Variants in ZNF705G observed in about 807,000 individuals in gnomAD.
The protein encoded by ZNF705G is putative zinc finger protein 705G.
Under a neutral mutation model 19.6 loss-of-function variants are expected in ZNF705G, and 23 were observed. The ratio of observed to expected loss-of-function variants is 1.17; its 90% CI spans 0.84 to 1.66. ZNF705G has a LOEUF of 1.66. ZNF705G is among the 40% of genes most tolerant of loss of function. The probability of loss-of-function intolerance (pLI) is 0.00; values close to 1 mark genes in which losing one functional copy is unlikely to be tolerated. For synonymous variants in ZNF705G, 146 were observed against 117.7 expected, an observed-to-expected ratio of 1.24 and a Z score of -1.56; for missense variants, 457 against 354.4, an observed-to-expected ratio of 1.29 and a Z score of -2.32.
At chr8:7,385,389 T>C (rs2128850644) in intron 1 of ZNF705G, 109 bp downstream of exon 1, 1 of 148,864 alleles carries the variant, frequency 6.7e-6, no homozygotes, top group Admixed American at 6.6e-5. Context: ...AAGTGGAGGC[T>C]GAAATCTGTT....
rs1171078411 is a variant in ZNF705G at position 7,375,659 on chromosome 8, C to G, written c.-72+5793G>C. ...AAAATAGTACACATGATTCAAAGAC[C>G]TCTGAACCGAGAGTAACAACAAATT... is the stretch of plus-strand genomic sequence containing the variant. On this transcript the variant is annotated intron_variant, in intron 2 of 6. Coordinates refer to ENST00000400156, the MANE Select transcript of ZNF705G (RefSeq NM_001164457.3). Among the ~76,000 whole-genome samples the G allele has an allele frequency of 8.5e-5, 8 of 93,990 alleles. 3 individuals are homozygous for G. The South Asian group carries it at 1.8e-3, about 21-fold the overall frequency. 61.7% of individuals were successfully genotyped at this position (93,990 alleles called of 152,430 possible). A position where few individuals can be genotyped will look rare whatever the true frequency, so the allele number is the denominator to read the frequency against.
intron 5 of ZNF705G, among the ~76,000 whole-genome samples, 169 bp downstream of exon 5, chr8:7,360,068 C>T (rs1393008352): frequency 3.3e-5 from 5 of 149,464 alleles, no homozygotes; most frequent in Non-Finnish European, 4.4e-5. Context: ...AGAGTAGCAT[C>T]TGACACATGA....
At chr8:7,364,116 C>T (rs1585414035) in intron 2 of ZNF705G, among the ~76,000 whole-genome samples, 1 of 149,400 alleles carries the variant, frequency 6.7e-6, no homozygotes, top group African/African-American at 2.6e-5. Flanking sequence ...TTGTTAGTTG[C>T]AATATCTCTG....
chr8:7,359,391 T>G (rs1454913183), intron 6 of ZNF705G, among the ~76,000 whole-genome samples: 1 of 149,848 alleles, frequency 6.7e-6, no homozygotes, highest in Non-Finnish European at 1.5e-5. Flanking sequence ...TTTCGATGAC[T>G]GGGCATGAGC....
intron 1 of ZNF705G, among the ~76,000 whole-genome samples, chr8:7,384,591 C>T (rs1320907184): frequency 2.7e-5 from 4 of 145,764 alleles, no homozygotes; most frequent in Admixed American, 2.0e-4. Context: ...CCTGGAATGT[C>T]TCAAAAAAAT....
chr8:7,363,549 G>A (rs1806703852), intron 2 of ZNF705G, among the ~76,000 whole-genome samples: 1 of 149,800 alleles, frequency 6.7e-6, no homozygotes, highest in Non-Finnish European at 1.5e-5. Flanking sequence ...GGTGGAGTGT[G>A]GTGGCTCACG....
At chr8:7,380,985 C>T (rs1333635765) in intron 2 of ZNF705G, among the ~76,000 whole-genome samples, 1 of 98,242 alleles carries the variant, frequency 1.0e-5, no homozygotes, top group Non-Finnish European at 1.7e-5. Flanking sequence ...CACTGCACTG[C>T]AGCCTGGCCT....
In ZNF705G at chr8:7,361,533, T is replaced by A. The variant is rs1806596060; in HGVS notation, c.13-297A>T. On this transcript the variant is annotated intron_variant, in intron 3 of 6. Coordinates refer to ENST00000400156, the MANE Select transcript of ZNF705G (RefSeq NM_001164457.3). ...CACCTCTACATAACTGATTATAAAA[T>A]TTTCACTTGAACATTCATAAATAAA... Among the ~76,000 whole-genome samples, 2 of 149,724 alleles carry A rather than the reference T, an allele frequency of 1.3e-5. 1 individual carries two copies. Among genetic ancestry groups the A allele is most frequent in the African/African-American group, 5.1e-5 (2 of 39,106 alleles).
intron 1 of ZNF705G, among the ~76,000 whole-genome samples, chr8:7,382,169 A>G (rs1306062704): frequency 1.3e-5 from 2 of 150,744 alleles, no homozygotes; most frequent in Non-Finnish European, 2.9e-5. Flanking sequence ...AAAGTAAATC[A>G]CTGCAAAATT....
At position 7,355,887 on chromosome 8, in the gene ZNF705G, C is replaced by T. The variant is rs1364676022; in HGVS notation, c.*2089G>A. The stretch of plus-strand genomic sequence containing the variant: ...GCTTGAATTTCTTGCTCATTATCCT[C>T]ACACTTGACATAAACCCTGGCTGCA... On this transcript the variant is annotated 3_prime_UTR_variant, in exon 7 of 7. Transcript: ENST00000400156. 1.3e-5 allele frequency: 2 copies of T among 149,660 alleles called. No homozygotes were observed. Among genetic ancestry groups the T allele is most frequent in the Non-Finnish European group, 2.9e-5 (2 of 68,032 alleles). 9.3% of individuals were successfully genotyped at this position (149,660 alleles called of 1,614,324 possible). A position where few individuals can be genotyped will look rare whatever the true frequency, so the allele number is the denominator to read the frequency against.
chr8:7,375,261 T>A lies in ZNF705G; in HGVS notation c.-72+6191A>T, dbSNP rs571224232. ...GCACTCATTGCTCGGCTCCCCCTTATAACTGAGAATATGTGGTATTTGTCT... is the reference window on the plus strand; with the variant it reads ...GCACTCATTGCTCGGCTCCCCCTTAAAACTGAGAATATGTGGTATTTGTCT... On this transcript the variant is annotated intron_variant, in intron 2 of 6. Transcript: ENST00000400156. 1.1e-3 allele frequency among the ~76,000 whole-genome samples: 103 copies of A among 92,082 alleles called. 35 individuals are homozygous for A. The highest frequency in any genetic ancestry group is 5.2e-3 in the African/African-American group (102 of 19,770). The allele number at this position is 92,082 out of a possible 152,430, so 60.4% of individuals were successfully genotyped here. A position where few individuals can be genotyped will look rare whatever the true frequency, so the allele number is the denominator to read the frequency against.
At position 7,356,662 on chromosome 8, in the gene ZNF705G, AAG is replaced by A; in HGVS notation, c.*1312_*1313del. 6.7e-6 allele frequency: 1 copy of A among 149,608 alleles called. No homozygotes were observed. Among genetic ancestry groups the A allele is most frequent in the Non-Finnish European group, 1.5e-5 (1 of 68,066 alleles). The allele number at this position is 149,608 out of a possible 1,614,324, so 9.3% of individuals were successfully genotyped here. A position where few individuals can be genotyped will look rare whatever the true frequency, so the allele number is the denominator to read the frequency against. On this transcript the variant is annotated 3_prime_UTR_variant, in exon 7 of 7. Coordinates refer to ENST00000400156, the MANE Select transcript of ZNF705G (RefSeq NM_001164457.3). ...AGTAAAGGGAGGTGAGCTGTGAGGA[AAG>A]AGCTGTTGAAGACTGGGGAGACTCA... is the stretch of plus-strand genomic sequence containing the variant.
At chr8:7,361,421 C>G (rs1178025627) in intron 3 of ZNF705G, among the ~76,000 whole-genome samples, 185 bp from the exon 4 acceptor site, 1 of 149,658 alleles carries the variant, frequency 6.7e-6, no homozygotes, top group Non-Finnish European at 1.5e-5. Context: ...GATATACCCA[C>G]TCTGAATCCA....
Position 7,369,565 on chromosome 8 carries a change from A to G in ZNF705G, c.-71-6548T>C, listed in dbSNP as rs1807006417. On this transcript the variant is annotated intron_variant, in intron 2 of 6. Coordinates refer to ENST00000400156, the MANE Select transcript of ZNF705G (RefSeq NM_001164457.3). ...GACTGACCCTTGTATCCAAAAGAAAATAAATTGTTCTACCATAAAGATGTG... is the reference window on the plus strand; with the variant it reads ...GACTGACCCTTGTATCCAAAAGAAAGTAAATTGTTCTACCATAAAGATGTG... Among the ~76,000 whole-genome samples, 3 of 149,662 alleles carry G rather than the reference A, an allele frequency of 2.0e-5. 1 individual carries two copies. Among genetic ancestry groups the G allele is most frequent in the African/African-American group, 7.7e-5 (3 of 39,044 alleles).
In ZNF705G at chr8:7,361,169, G is replaced by A. The variant is rs752297442; in HGVS notation, c.80C>T (p.Ser27Phe). 6.3e-7 allele frequency: 1 copy of A among 1,592,924 alleles called. No individual in the cohort carries two copies. Among genetic ancestry groups the A allele is most frequent in the African/African-American group, 1.4e-5 (1 of 70,776 alleles). ...TQEEWAMMDT[S>F]KRKLYRDVML... ...CACATCTCTGTACAGCTTTCTCTTGGATGTGTCCATCATGGCCCACTCTTC... is the reference window on the plus strand; with the variant it reads ...CACATCTCTGTACAGCTTTCTCTTGAATGTGTCCATCATGGCCCACTCTTC... Residue 27 changes from serine to phenylalanine, a missense_variant, in exon 4 of 7, where the codon TCC (serine) becomes TTC (phenylalanine). Ser to Phe is a radical substitution (Grantham distance 155). Coordinates refer to ENST00000400156, the MANE Select transcript of ZNF705G (RefSeq NM_001164457.3).
chr8:7,359,066 C>T (rs1374932594), intron 6 of ZNF705G, among the ~76,000 whole-genome samples: 1 of 149,616 alleles, frequency 6.7e-6, no homozygotes, highest in African/African-American at 2.6e-5. Flanking sequence ...TCCAGATTCA[C>T]TGAGCCAGAA....
chr8:7,361,468 G>A lies in ZNF705G; in HGVS notation c.13-232C>T, dbSNP rs1806591777. On this transcript the variant is annotated intron_variant, in intron 3 of 6. Coordinates refer to ENST00000400156, the MANE Select transcript of ZNF705G (RefSeq NM_001164457.3). Reference sequence around the variant, plus strand: ...TATAAAGAAATATCACATGAGGTGTGGCATAATATAACCCAGATATTTTTC... The same window carrying A: ...TATAAAGAAATATCACATGAGGTGTAGCATAATATAACCCAGATATTTTTC... Among the ~76,000 whole-genome samples the A allele has an allele frequency of 2.0e-5, 3 of 149,526 alleles. 1 individual carries two copies. Among genetic ancestry groups the A allele is most frequent in the African/African-American group, 5.1e-5 (2 of 38,958 alleles).
chr8:7,356,100 C>A lies in ZNF705G; in HGVS notation c.*1876G>T, dbSNP rs1806217822. On this transcript the variant is annotated 3_prime_UTR_variant, in exon 7 of 7. Transcript: ENST00000400156. ...CAGTTTTAGGTTCAGTGGTGAGGCTCCTTCACGGACAATACATTTTTCAAT... is the reference window on the plus strand; with the variant it reads ...CAGTTTTAGGTTCAGTGGTGAGGCTACTTCACGGACAATACATTTTTCAAT... The A allele has an allele frequency of 6.7e-6, 1 of 149,304 alleles. No homozygotes were observed. The highest frequency in any genetic ancestry group is 1.5e-5 in the Non-Finnish European group (1 of 68,012). The allele number at this position is 149,304 out of a possible 1,614,324, so 9.2% of individuals were successfully genotyped here.
chr8:7,369,723 A>G (rs914386909), intron 2 of ZNF705G, among the ~76,000 whole-genome samples: 6 of 149,540 alleles, frequency 4.0e-5, no homozygotes, highest in African/African-American at 1.5e-4. Flanking sequence ...AACCATAAAA[A>G]ATTTATGTCC....
Sources: gnomAD v4.1 joint callset for allele counts (sites outside exome capture counted in the v4.1 genomes callset) on GRCh38, gnomAD v4.1.1 for gene constraint, MANE v1.5 for transcripts, NCBI Gene and HGNC (gene_info 2026-07-23, HGNC 2026-07-21) for gene names.